The following ARHGAP32 variants were observed in gnomAD, a reference collection of about 807,000 sequenced individuals.
ARHGAP32 encodes the protein Rho GTPase activating protein 32.
A neutral mutation model predicts 186.5 loss-of-function variants in ARHGAP32; 51 were observed. The observed-to-expected ratio is 0.27, with a 90% confidence interval of 0.22 to 0.35. ARHGAP32 has a LOEUF of 0.35. Ranked by LOEUF, ARHGAP32 falls within the 10% of genes least tolerant of loss-of-function variation. The pLI, the probability that ARHGAP32 is intolerant of heterozygous loss-of-function variation, is 1.00. For missense variants in ARHGAP32, 2,186 were observed against 2,623.5 expected (o/e 0.83, Z 3.64); for synonymous variants, 950 against 964.3 (o/e 0.99, Z 0.27).
intron 1 of ARHGAP32, among the ~76,000 whole-genome samples, chr11:129,250,273 C>T (rs1361208892): frequency 1.3e-5 from 2 of 152,084 alleles, no homozygotes; most frequent in Non-Finnish European, 1.5e-5. Context: ...TGTTATACTT[C>T]TGATAAACAT....
At chr11:129,141,115 A>C (rs1943042494) in intron 2 of ARHGAP32, among the ~76,000 whole-genome samples, 1 of 152,246 alleles carries the variant, frequency 6.6e-6, no homozygotes, top group Non-Finnish European at 1.5e-5. Context: ...TGGAAAAGCA[A>C]GGAAATATAA....
chr11:129,202,895 A>G (rs754982012), intron 1 of ARHGAP32: 3 of 152,180 alleles, frequency 2.0e-5, no homozygotes, highest in Non-Finnish European at 4.4e-5. Flanking sequence ...AAGGGGGGGA[A>G]AATAAAAAAA....
intron 15 of ARHGAP32, among the ~76,000 whole-genome samples, chr11:128,982,895 A>T (rs1945750178): frequency 7.0e-6 from 1 of 141,942 alleles, no homozygotes. Flanking sequence ...TGTCTTTAAA[A>T]AAAAAAAAAA....
intron 6 of ARHGAP32, among the ~76,000 whole-genome samples, chr11:129,074,550 G>A (rs1259340820): frequency 6.6e-6 from 1 of 152,130 alleles, no homozygotes; most frequent in Non-Finnish European, 1.5e-5. Flanking sequence ...CTGGCGTGCA[G>A]TGGTCTGATC....
At chr11:129,254,093 T>C (rs188117675) in intron 1 of ARHGAP32, among the ~76,000 whole-genome samples, 9 of 152,218 alleles carry the variant, frequency 5.9e-5, no homozygotes, top group Non-Finnish European at 1.5e-5. Flanking sequence ...TTTAGATGCC[T>C]AACTCACATT....
chr11:128,977,330 C>T (rs753681442), intron 19 of ARHGAP32, among the ~76,000 whole-genome samples: 2 of 152,160 alleles, frequency 1.3e-5, no homozygotes, highest in Non-Finnish European at 2.9e-5. Flanking sequence ...CCTCTTTAAC[C>T]CCTTGGCAGC....
chr11:129,071,502 A>C (rs1479287455), intron 6 of ARHGAP32, among the ~76,000 whole-genome samples: 1 of 152,122 alleles, frequency 6.6e-6, no homozygotes, highest in African/African-American at 2.4e-5. Flanking sequence ...TTAATACCAC[A>C]ATGAGATATC....
intron 2 of ARHGAP32, among the ~76,000 whole-genome samples, chr11:129,149,901 C>T (rs1026318996): frequency 6.6e-6 from 1 of 151,312 alleles, no homozygotes; most frequent in Non-Finnish European, 1.5e-5. Flanking sequence ...TTAGAAAATA[C>T]AGGATATAGA....
chr11:129,200,546 A>T (rs1253869323), intron 1 of ARHGAP32, among the ~76,000 whole-genome samples: 1 of 152,134 alleles, frequency 6.6e-6, no homozygotes, highest in Middle Eastern at 3.2e-3. Flanking sequence ...TTCCACCAAG[A>T]TTGTGAGGCC....
chr11:129,203,950 CATAT>C (rs964750970), intron 1 of ARHGAP32, among the ~76,000 whole-genome samples: 21 of 147,038 alleles, frequency 1.4e-4, no homozygotes, highest in African/African-American at 5.2e-4. Context: ...TAATTTTATA[CATAT>C]ATAAATTATA....
chr11:129,174,903 A>C (rs1266798612), intron 1 of ARHGAP32, among the ~76,000 whole-genome samples: 2 of 147,832 alleles, frequency 1.4e-5, no homozygotes. Context: ...CTCCAAAGGA[A>C]CGCAGTTCCT....
chr11:129,144,749 G>T (rs982525070), intron 2 of ARHGAP32, among the ~76,000 whole-genome samples: 1 of 152,150 alleles, frequency 6.6e-6, no homozygotes, highest in Non-Finnish European at 1.5e-5. Context: ...AGGATGAGAA[G>T]ACTGAAGGAA....
intron 10 of ARHGAP32, among the ~76,000 whole-genome samples, chr11:129,046,573 C>T (rs923007395): frequency 1.3e-5 from 2 of 152,170 alleles, no homozygotes; most frequent in African/African-American, 4.8e-5. Context: ...TTCTGATCTT[C>T]TTCTACCTTG....
intron 10 of ARHGAP32, among the ~76,000 whole-genome samples, chr11:129,051,833 T>C (rs1940056166): frequency 6.6e-6 from 1 of 151,776 alleles, no homozygotes; most frequent in Admixed American, 6.6e-5. Context: ...CCTGCGCCTG[T>C]AGTCCCAACT....
At chr11:129,049,468 C>T (rs1939948889) in intron 10 of ARHGAP32, among the ~76,000 whole-genome samples, 1 of 152,122 alleles carries the variant, frequency 6.6e-6, no homozygotes, top group Admixed American at 6.5e-5. Context: ...TTACCACAAT[C>T]AAGATTATAA....
At chr11:129,211,896 T>C (rs1233954949) in intron 1 of ARHGAP32, among the ~76,000 whole-genome samples, 1 of 152,200 alleles carries the variant, frequency 6.6e-6, no homozygotes, top group Non-Finnish European at 1.5e-5. Context: ...GGCTCACACC[T>C]GTAATCCCAG....
At chr11:129,231,304 T>A (rs917177732) in intron 1 of ARHGAP32, among the ~76,000 whole-genome samples, 1 of 152,164 alleles carries the variant, frequency 6.6e-6, no homozygotes, top group Non-Finnish European at 1.5e-5. Flanking sequence ...TGTTTTCTGA[T>A]TACAGATGAA....
chr11:129,109,073 C>G (rs984078230), intron 5 of ARHGAP32, among the ~76,000 whole-genome samples: 1 of 152,070 alleles, frequency 6.6e-6, no homozygotes, highest in African/African-American at 2.4e-5. Flanking sequence ...CATGTTGCCC[C>G]TTCTCAGACT....
At chr11:129,104,321 GAA>G (rs1168759168) in intron 5 of ARHGAP32, among the ~76,000 whole-genome samples, 1 of 152,042 alleles carries the variant, frequency 6.6e-6, no homozygotes, top group Non-Finnish European at 1.5e-5. Context: ...TATGAAAGAT[GAA>G]AAGTTAGAAT....
Sources: allele counts gnomAD v4.1 joint callset (sites outside exome capture counted in the v4.1 genomes callset), GRCh38; gene constraint gnomAD v4.1.1; transcripts MANE v1.5; gene names NCBI Gene and HGNC (gene_info 2026-07-23, HGNC 2026-07-21).